Variants in TRIM55 observed in about 807,000 individuals in gnomAD.
TRIM55 encodes tripartite motif containing 55.
In TRIM55, 50 loss-of-function variants were observed where a neutral mutation model predicts 60.9. That is an observed-to-expected ratio of 0.82 (90% CI 0.65 to 1.04). TRIM55 has a LOEUF of 1.04. Among genes scored for constraint, TRIM55 ranks in the 50% least tolerant of loss-of-function variants. The pLI, the probability that TRIM55 is intolerant of heterozygous loss-of-function variation, is 0.00. For synonymous variants in TRIM55, 237 were observed against 238.1 expected, an observed-to-expected ratio of 1.00 and a Z score of 0.04; for missense variants, 681 against 666.9, an observed-to-expected ratio of 1.02 and a Z score of -0.23.
chr8:66,114,115 A>C, the TRIM55 span, among the ~76,000 whole-genome samples: 3 of 125,614 alleles, frequency 2.4e-5, no homozygotes, highest in Non-Finnish European at 4.8e-5. Context: ...GCTTTGAACC[A>C]AAAAAGTCTG....
intron 1 of TRIM55, among the ~76,000 whole-genome samples, chr8:66,127,790 G>A (rs560137040): frequency 3.3e-5 from 5 of 152,118 alleles, no homozygotes; most frequent in Admixed American, 6.5e-5. Context: ...AGCGGAGATC[G>A]TGCCATTGCC....
intron 9 of TRIM55, among the ~76,000 whole-genome samples, chr8:66,169,799 C>T (rs577250233): frequency 6.6e-6 from 1 of 152,186 alleles, no homozygotes; most frequent in African/African-American, 2.4e-5. Context: ...AGGCACAACA[C>T]TGCTTAGCTC....
At chr8:66,170,283 C>T (rs1811550731) in intron 9 of TRIM55, among the ~76,000 whole-genome samples, 1 of 152,166 alleles carries the variant, frequency 6.6e-6, no homozygotes, top group Non-Finnish European at 1.5e-5. Context: ...ATCCTAGTTT[C>T]TGTCTATGAA....
chr8:66,174,280 G>A (rs987732315), intron 9 of TRIM55, among the ~76,000 whole-genome samples, 191 bp from the exon 10 acceptor site: 4 of 151,508 alleles, frequency 2.6e-5, no homozygotes, highest in African/African-American at 7.3e-5. Flanking sequence ...TTATTTTCAT[G>A]ACTCTTGGCT....
intron 9 of TRIM55, among the ~76,000 whole-genome samples, chr8:66,172,716 C>T (rs1164321867): frequency 6.6e-6 from 1 of 152,224 alleles, no homozygotes; most frequent in Non-Finnish European, 1.5e-5. Flanking sequence ...AAACACATTA[C>T]CCAACTTGTG....
intron 2 of TRIM55, among the ~76,000 whole-genome samples, chr8:66,133,457 G>C (rs562747228): frequency 1.8e-3 from 275 of 152,156 alleles, no homozygotes; most frequent in Non-Finnish European, 2.1e-3. Context: ...TCTAGTGGAG[G>C]AAACAGACAG....
intron 2 of TRIM55, among the ~76,000 whole-genome samples, chr8:66,134,663 G>A (rs2128974478): frequency 6.6e-6 from 1 of 152,218 alleles, no homozygotes; most frequent in East Asian, 1.9e-4. Flanking sequence ...TTCACTACCA[G>A]ATTCTGAAAC....
intron 7 of TRIM55, among the ~76,000 whole-genome samples, chr8:66,151,972 G>T (rs1810455140): frequency 1.3e-5 from 2 of 152,096 alleles, no homozygotes; most frequent in African/African-American, 4.8e-5. Flanking sequence ...TGACAAAAGG[G>T]CTTTGTATGT....
At chr8:66,138,499 C>T (rs1809614357) in intron 4 of TRIM55, among the ~76,000 whole-genome samples, 1 of 152,204 alleles carries the variant, frequency 6.6e-6, no homozygotes, top group African/African-American at 2.4e-5. Context: ...AAGCGATTCT[C>T]CTGCCTCAGC....
At chr8:66,132,968 T>C (rs1329827633) in intron 2 of TRIM55, among the ~76,000 whole-genome samples, 1 of 152,228 alleles carries the variant, frequency 6.6e-6, no homozygotes, top group Admixed American at 6.5e-5. Flanking sequence ...CTGTGCTCTA[T>C]GACGCAATCT....
At position 66,146,572 on chromosome 8, in the gene TRIM55, T is replaced by C. The variant is rs145608738; in HGVS notation, c.604-3073T>C. Among the ~76,000 whole-genome samples the C allele has an allele frequency of 1.8e-4, 27 of 152,324 alleles. 1 individual carries two copies. In the East Asian group the frequency reaches 4.4e-3, roughly 25 times the overall value. On this transcript the variant is annotated intron_variant, in intron 4 of 9. Coordinates refer to ENST00000315962, the MANE Select transcript of TRIM55 (RefSeq NM_184085.2). ...GTATTACATCTTAATATAATACTCA[T>C]ATTATAAATGTTTCAAGTGCACAAC...
chr8:66,153,382 C>T (rs1027633223), intron 8 of TRIM55, among the ~76,000 whole-genome samples: 1 of 152,208 alleles, frequency 6.6e-6, no homozygotes, highest in Non-Finnish European at 1.5e-5. Flanking sequence ...CTCCATGATA[C>T]TTCAGCAGAC....
upstream of TRIM55, among the ~76,000 whole-genome samples, chr8:66,125,699 A>G (rs6472251): frequency 0.26 from 39,763 of 152,130 alleles, 8,784 homozygotes; most frequent in African/African-American, 0.6. Context: ...AAGGACTAAG[A>G]TAATTCTCTA....
At chr8:66,139,918 T>C (rs1237563015) in intron 4 of TRIM55, among the ~76,000 whole-genome samples, 2 of 152,240 alleles carry the variant, frequency 1.3e-5, no homozygotes, top group Admixed American at 6.5e-5. Flanking sequence ...TGGTCAATGA[T>C]GAACTGCATA....
intron 4 of TRIM55, among the ~76,000 whole-genome samples, chr8:66,145,724 G>T (rs565313958): frequency 6.6e-6 from 1 of 152,014 alleles, no homozygotes; most frequent in Non-Finnish European, 1.5e-5. Context: ...GCAATGGCGC[G>T]ATCTTGGCAC....
chr8:66,131,517 C>T lies in TRIM55; in HGVS notation c.341+3041C>T, dbSNP rs574820555. On this transcript the variant is annotated intron_variant, in intron 2 of 9. Transcript: ENST00000315962. ...GAGCCCTCACATGGCTGGGCTTTAC[C>T]TCTACTTGGGAATTCTTTTACTCTC... Among the ~76,000 whole-genome samples the T allele has an allele frequency of 2.4e-4, 37 of 152,300 alleles. 1 individual carries two copies. The South Asian group carries it at 7.7e-3, about 32-fold the overall frequency.
chr8:66,137,801 T>C (rs1326262570), intron 4 of TRIM55, among the ~76,000 whole-genome samples: 1 of 149,534 alleles, frequency 6.7e-6, no homozygotes, highest in African/African-American at 2.5e-5. Context: ...AAGAGATGAG[T>C]GGCCGGTTGT....
At chr8:66,163,459 A>G (rs1158002745) in intron 9 of TRIM55, among the ~76,000 whole-genome samples, 1 of 152,096 alleles carries the variant, frequency 6.6e-6, no homozygotes, top group South Asian at 2.1e-4. Context: ...ACAAGTTTTG[A>G]TATGTTGTAT....
chr8:66,158,431 T>G (rs957144824), intron 9 of TRIM55, among the ~76,000 whole-genome samples: 9 of 152,160 alleles, frequency 5.9e-5, no homozygotes, highest in African/African-American at 2.2e-4. Context: ...GGGTAGAAAT[T>G]TTGCCAAAGC....
Sources: allele counts gnomAD v4.1 joint callset (sites outside exome capture counted in the v4.1 genomes callset), GRCh38; gene constraint gnomAD v4.1.1; transcripts MANE v1.5; gene names NCBI Gene and HGNC (gene_info 2026-07-23, HGNC 2026-07-21).